Variants in DHRS3 observed in about 807,000 individuals in gnomAD.
The protein encoded by DHRS3 is short-chain dehydrogenase/reductase 3.
In DHRS3, 14 loss-of-function variants were observed where a neutral mutation model predicts 27.2. The ratio of observed to expected loss-of-function variants is 0.52; its 90% CI spans 0.34 to 0.81. The LOEUF is 0.81. Ranked by LOEUF, DHRS3 falls within the 30% of genes least tolerant of loss-of-function variation. DHRS3 has a pLI of 0.01. For synonymous variants in DHRS3, 165 were observed against 175.9 expected (o/e 0.94, Z 0.49); for missense variants, 322 against 406.2 (o/e 0.79, Z 1.78).
rs1646636147 is a variant in DHRS3 at position 12,580,629 on chromosome 1, T to G, written c.233A>C (p.Glu78Ala). The change falls in exon 2 of 6, where the codon GAG becomes GCG. Residue 78 changes from glutamate (E) to alanine (A), a missense_variant. Glu to Ala is a moderately radical substitution (Grantham distance 107). Transcript: ENST00000616661. ...CATCTGCCGGATCTCCTCCGTCGTC[T>G]CCTTCAGGCATTTCTCAGTCCGGCC... ...LWGRTEKCLK[E>A]TTEEIRQMGT... 1 of 1,613,952 alleles carries G rather than the reference T, an allele frequency of 6.2e-7. No homozygotes were observed. The highest frequency in any genetic ancestry group is 8.5e-7 in the Non-Finnish European group (1 of 1,180,030).
Position 12,591,337 on chromosome 1 carries a change from C to T in DHRS3, c.196-10671G>A, listed in dbSNP as rs1335797872. Among the ~76,000 whole-genome samples the T allele has an allele frequency of 2.6e-5, 4 of 152,250 alleles. No individual in the cohort carries two copies. The highest frequency in any genetic ancestry group is 2.1e-4 in the South Asian group (1 of 4,834). ...CTGAAGCCTAGGCAGGTCTCTCCCA[C>T]GTAGCCCTGCAAAACAGGCTTTCCC... On this transcript the variant is annotated intron_variant, in intron 1 of 5. Transcript: ENST00000616661. The surrounding 1 kb of genome is among the most constrained non-coding windows in gnomAD (Gnocchi z 4.1).
At chr1:12,587,723 AAAAAC>A (rs56072193) in intron 1 of DHRS3, among the ~76,000 whole-genome samples, 53,353 of 150,772 alleles carry the variant, frequency 0.35, 10,175 homozygotes, top group African/African-American at 0.51. Context: ...ACAAAAACCA[AAAAAC>A]AAAACAAAAC....
chr1:12,584,717 A>ACCT (rs1185203743), intron 1 of DHRS3, among the ~76,000 whole-genome samples: 1 of 152,146 alleles, frequency 6.6e-6, no homozygotes, highest in Admixed American at 6.6e-5. Flanking sequence ...GAGCATCAGC[A>ACCT]CCTTCCTGGC....
At chr1:12,569,423 G>A (rs1175956196) in intron 5 of DHRS3, among the ~76,000 whole-genome samples, 1 of 151,698 alleles carries the variant, frequency 6.6e-6, no homozygotes, top group South Asian at 2.1e-4. Flanking sequence ...ATATATTTAT[G>A]GGGTACATGA....
At chr1:12,614,925 C>G (rs1324153980) in intron 1 of DHRS3, among the ~76,000 whole-genome samples, 1 of 152,082 alleles carries the variant, frequency 6.6e-6, no homozygotes, top group African/African-American at 2.4e-5. Flanking sequence ...GGCACTGGAC[C>G]TCTCTGGTCT....
intron 4 of DHRS3, among the ~76,000 whole-genome samples, chr1:12,573,115 T>C (rs563756051): frequency 4.6e-5 from 7 of 152,310 alleles, no homozygotes; most frequent in African/African-American, 1.7e-4. Context: ...CTCCAAGGGC[T>C]CCCAGTGCCC....
Position 12,593,880 on chromosome 1 carries a change from G to A in DHRS3, c.196-13214C>T, listed in dbSNP as rs991525934. Among the ~76,000 whole-genome samples, 6 of 152,152 alleles carry A rather than the reference G, an allele frequency of 3.9e-5. No individual in the cohort carries two copies. The highest frequency in any genetic ancestry group is 6.5e-5 in the Admixed American group (1 of 15,270). On this transcript the variant is annotated intron_variant, in intron 1 of 5. Coordinates refer to ENST00000616661, the MANE Select transcript of DHRS3 (RefSeq NM_004753.7). This position sits in a 1 kb window ranked among gnomAD's most constrained non-coding sequence, Gnocchi z 4.6. ...TGCTCACTCCCAGCCAGAAACCCAC[G>A]GGCTGATGTTTCTTTTCACAAACAT...
At chr1:12,587,700 C>T (rs1010912679) in intron 1 of DHRS3, among the ~76,000 whole-genome samples, 44 of 150,898 alleles carry the variant, frequency 2.9e-4, no homozygotes, top group Non-Finnish European at 2.9e-4. Context: ...GAGAGAGAGC[C>T]GGTCTCAAAA....
chr1:12,604,152 G>A (rs2100713388), intron 1 of DHRS3, among the ~76,000 whole-genome samples: 1 of 152,274 alleles, frequency 6.6e-6, no homozygotes, highest in Non-Finnish European at 1.5e-5. Context: ...AAAATGGAGA[G>A]TTCCTGCAAC....
chr1:12,584,431 A>G (rs911176051), intron 1 of DHRS3, among the ~76,000 whole-genome samples: 8 of 151,662 alleles, frequency 5.3e-5, no homozygotes, highest in Non-Finnish European at 1.2e-4. Context: ...GGGCTGGGGA[A>G]CCGGCCTCAC....
rs533510865 is a variant in DHRS3 at position 12,616,503 on chromosome 1, G to A, written c.195+651C>T. ...GAGGGATCCCTGGGGGGTGTACTGG[G>A]GGGGAGGGGACAGGGTTGAAGGTGA... is the stretch of plus-strand genomic sequence containing the variant. On this transcript the variant is annotated intron_variant, in intron 1 of 5. Coordinates refer to ENST00000616661, the MANE Select transcript of DHRS3 (RefSeq NM_004753.7). 6.3e-6 allele frequency: 6 copies of A among 956,294 alleles called. No individual in the cohort carries two copies. In the African/African-American group the frequency reaches 7.1e-5, roughly 11 times the overall value. The allele number at this position is 956,294 out of a possible 1,614,324, so 59.2% of individuals were successfully genotyped here. A position where few individuals can be genotyped will look rare whatever the true frequency, so the allele number is the denominator to read the frequency against.
Position 12,616,005 on chromosome 1 carries a change from TC to T in DHRS3, c.195+1148del, listed in dbSNP as rs1248821328. On this transcript the variant is annotated intron_variant, in intron 1 of 5. Coordinates refer to ENST00000616661, the MANE Select transcript of DHRS3 (RefSeq NM_004753.7). The stretch of plus-strand genomic sequence containing the variant: ...AATCGGATCGGCTTTGGCTGATAGT[TC>T]AGGCTCCAAAGTTCAGTCCCAGTCA... 3.3e-5 allele frequency among the ~76,000 whole-genome samples: 5 copies of T among 152,212 alleles called. 1 individual carries two copies. Among genetic ancestry groups the T allele is most frequent in the African/African-American group, 1.2e-4 (5 of 41,462 alleles).
rs974378658 is a variant in DHRS3, at chr1:12,586,077, G to A, written c.196-5411C>T. On this transcript the variant is annotated intron_variant, in intron 1 of 5. Transcript: ENST00000616661. This position sits in a 1 kb window ranked among gnomAD's most constrained non-coding sequence, Gnocchi z 5.0. ...CCTTCTCTCTCCCAGTGACTGGTAGGGGGAGGCAGGAAGGGGAGAAAGACC... is the reference window on the plus strand; with the variant it reads ...CCTTCTCTCTCCCAGTGACTGGTAGAGGGAGGCAGGAAGGGGAGAAAGACC... 6.6e-6 allele frequency among the ~76,000 whole-genome samples: 1 copy of A among 152,052 alleles called. No homozygotes were observed. Among genetic ancestry groups the A allele is most frequent in the Middle Eastern group, 3.2e-3 (1 of 316 alleles).
rs988417102 is a variant in DHRS3, at chr1:12,586,535, C to A, written c.196-5869G>T. Among the ~76,000 whole-genome samples, 1 of 152,180 alleles carries A rather than the reference C, an allele frequency of 6.6e-6. No individual in the cohort carries two copies. The highest frequency in any genetic ancestry group is 2.1e-4 in the South Asian group (1 of 4,830). On this transcript the variant is annotated intron_variant, in intron 1 of 5. Coordinates refer to ENST00000616661, the MANE Select transcript of DHRS3 (RefSeq NM_004753.7). The surrounding 1 kb of genome is among the most constrained non-coding windows in gnomAD (Gnocchi z 5.0). ...CAACAGAGAATGAAGCAGATGTAATCCTACTTCAAGGAACCCACATTCCAG... is the reference window on the plus strand; with the variant it reads ...CAACAGAGAATGAAGCAGATGTAATACTACTTCAAGGAACCCACATTCCAG...
chr1:12,595,320 G>A (rs1220198786), intron 1 of DHRS3, among the ~76,000 whole-genome samples: 2 of 152,094 alleles, frequency 1.3e-5, no homozygotes, highest in African/African-American at 2.4e-5. Flanking sequence ...GTGAGGGGGT[G>A]GCAGGAGGAG....
chr1:12,614,478 G>A (rs1230749943), intron 1 of DHRS3, among the ~76,000 whole-genome samples: 5 of 151,628 alleles, frequency 3.3e-5, no homozygotes, highest in African/African-American at 4.9e-5. Flanking sequence ...AGATGTGTCC[G>A]GAGCTTTCAA....
At position 12,586,870 on chromosome 1, in the gene DHRS3, A is replaced by G. The variant is rs570450520; in HGVS notation, c.196-6204T>C. On this transcript the variant is annotated intron_variant, in intron 1 of 5. Transcript: ENST00000616661. The surrounding 1 kb of genome is among the most constrained non-coding windows in gnomAD (Gnocchi z 5.0). ...CTCTTCAAGGGGTCCTGTGGGGATT[A>G]AGCTGGCAGAAGCTGGCACCCACTA... Among the ~76,000 whole-genome samples, 15 of 152,240 alleles carry G rather than the reference A, an allele frequency of 9.9e-5. No individual in the cohort carries two copies. The South Asian group carries it at 1.2e-3, about 13-fold the overall frequency.
intron 1 of DHRS3, among the ~76,000 whole-genome samples, chr1:12,601,241 C>G (rs557862943): frequency 1.9e-4 from 29 of 152,218 alleles, no homozygotes; most frequent in African/African-American, 6.5e-4. Flanking sequence ...GGCTGGTATA[C>G]CCCTGGCTCA....
chr1:12,600,448 A>T (rs2100706977), intron 1 of DHRS3: 1 of 955,550 alleles, frequency 1.0e-6, no homozygotes, highest in Non-Finnish European at 1.2e-6. Context: ...CAGACTCTTA[A>T]TTCTTTGGCA....
Sources: allele counts gnomAD v4.1 joint callset (sites outside exome capture counted in the v4.1 genomes callset), GRCh38; gene constraint gnomAD v4.1.1; non-coding constraint Gnocchi (gnomAD v3.1); transcripts MANE v1.5; gene names NCBI Gene and HGNC (gene_info 2026-07-23, HGNC 2026-07-21).